The following ERBB4 variants were observed in gnomAD, a reference collection of about 807,000 sequenced individuals.
ERBB4 encodes receptor tyrosine-protein kinase erbB-4.
Under a neutral mutation model 158.0 loss-of-function variants are expected in ERBB4, and 42 were observed. The ratio of observed to expected loss-of-function variants is 0.27; its 90% confidence interval spans 0.21 to 0.34. The LOEUF is 0.34. Among genes scored for constraint, ERBB4 ranks in the 10% least tolerant of loss-of-function variants. The pLI is 1.00. For missense variants in ERBB4, 1,333 were observed against 1,624.1 expected, an observed-to-expected ratio of 0.82 and a Z score of 3.08; for synonymous variants, 583 against 558.7, an observed-to-expected ratio of 1.04 and a Z score of -0.61.
intron 3 of ERBB4, among the ~76,000 whole-genome samples, chr2:211,801,143 T>C (rs2076490182): frequency 6.6e-6 from 1 of 152,142 alleles, no homozygotes; most frequent in African/African-American, 2.4e-5. Flanking sequence ...AAAGCAAAAG[T>C]GCAAAATATT....
intron 2 of ERBB4, among the ~76,000 whole-genome samples, chr2:212,004,573 T>G (rs1292314759): frequency 1.3e-5 from 2 of 152,208 alleles, no homozygotes; most frequent in Non-Finnish European, 2.9e-5. Flanking sequence ...CAACTTTACT[T>G]TTTTATTTTT....
At chr2:212,269,372 A>G (rs1188620654) in intron 1 of ERBB4, among the ~76,000 whole-genome samples, 1 of 151,806 alleles carries the variant, frequency 6.6e-6, no homozygotes, top group African/African-American at 2.4e-5. Context: ...CCTTAACAAC[A>G]TACAAAATCA....
intron 7 of ERBB4, among the ~76,000 whole-genome samples, chr2:211,716,085 G>A (rs1399659203): frequency 3.9e-5 from 6 of 152,096 alleles, no homozygotes; most frequent in Non-Finnish European, 5.9e-5. Context: ...ATGTCCGACC[G>A]GGCACAGTGG....
intron 19 of ERBB4, among the ~76,000 whole-genome samples, chr2:211,594,335 A>G (rs1052464806): frequency 1.3e-5 from 2 of 152,058 alleles, no homozygotes; most frequent in African/African-American, 4.8e-5. Flanking sequence ...GCTACTCAGG[A>G]GGCTGAGGCA....
At chr2:211,493,911 A>C (rs1353562792) in intron 20 of ERBB4, among the ~76,000 whole-genome samples, 1 of 152,124 alleles carries the variant, frequency 6.6e-6, no homozygotes, top group African/African-American at 2.4e-5. Context: ...ATCCTGACCT[A>C]TGATGTTCTG....
rs191287436 is a variant in ERBB4 at position 211,600,124 on chromosome 2, T to G, written c.2301+19053A>C. 1.8e-3 allele frequency among the ~76,000 whole-genome samples: 274 copies of G among 152,356 alleles called. 1 individual carries two copies. The highest frequency in any genetic ancestry group is 6.8e-3 in the Middle Eastern group (2 of 294). On this transcript the variant is annotated intron_variant, in intron 19 of 27. Coordinates refer to ENST00000342788, the MANE Select transcript of ERBB4 (RefSeq NM_005235.3). ...AATGGCTGAAATTAGAGGGTACTTATTCTTTCATTTTACCTTCACAAAACC... is the reference window on the plus strand; with the variant it reads ...AATGGCTGAAATTAGAGGGTACTTAGTCTTTCATTTTACCTTCACAAAACC...
intron 1 of ERBB4, among the ~76,000 whole-genome samples, chr2:212,369,340 T>C (rs1036253546): frequency 6.6e-6 from 1 of 152,180 alleles, no homozygotes; most frequent in Non-Finnish European, 1.5e-5. Flanking sequence ...CATTTACTTA[T>C]GTTATCTACC....
chr2:212,008,538 G>A (rs1335624130), intron 2 of ERBB4, among the ~76,000 whole-genome samples: 1 of 152,086 alleles, frequency 6.6e-6, no homozygotes, highest in Non-Finnish European at 1.5e-5. Flanking sequence ...TGAAAGCGCT[G>A]CACATTCAGT....
intron 1 of ERBB4, among the ~76,000 whole-genome samples, chr2:212,479,361 T>C (rs886502790): frequency 1.9e-4 from 29 of 152,126 alleles, no homozygotes; most frequent in Admixed American, 1.4e-3. Flanking sequence ...CAGGGCATCC[T>C]ATACTTGTAA....
intron 1 of ERBB4, among the ~76,000 whole-genome samples, chr2:212,345,963 T>G (rs533337448): frequency 6.6e-6 from 1 of 152,182 alleles, no homozygotes; most frequent in Admixed American, 6.5e-5. Flanking sequence ...TTTTATATTA[T>G]CTATTAAGAA....
At position 211,944,147 on chromosome 2, in the gene ERBB4, T is replaced by C. The variant is rs1188048958; in HGVS notation, c.421+3283A>G. ...ACACTATATATGTACACTATACATA[T>C]ACACTATATATATACACTATATATA... On this transcript the variant is annotated intron_variant, in intron 3 of 27. Coordinates refer to ENST00000342788, the MANE Select transcript of ERBB4 (RefSeq NM_005235.3). Among the ~76,000 whole-genome samples the C allele has an allele frequency of 1.9e-4, 24 of 124,726 alleles. No homozygotes were observed. In the East Asian group the frequency reaches 5.2e-3, roughly 27 times the overall value. The allele number at this position is 124,726 out of a possible 152,430, so 81.8% of individuals were successfully genotyped here.
intron 1 of ERBB4, among the ~76,000 whole-genome samples, chr2:212,292,888 T>G (rs1036350986): frequency 3.3e-5 from 5 of 152,076 alleles, no homozygotes; most frequent in African/African-American, 1.2e-4. Flanking sequence ...TGTTTTCTAT[T>G]TCAGTTTTCA....
At chr2:212,212,182 G>A (rs980115265) in intron 1 of ERBB4, among the ~76,000 whole-genome samples, 5 of 152,034 alleles carry the variant, frequency 3.3e-5, no homozygotes, top group African/African-American at 1.2e-4. Flanking sequence ...CCCACCAACA[G>A]TGTAAAAGTA....
intron 25 of ERBB4, among the ~76,000 whole-genome samples, chr2:211,403,056 A>G (rs371159126): frequency 1.8e-4 from 28 of 152,060 alleles, no homozygotes; most frequent in Non-Finnish European, 2.8e-4. Flanking sequence ...TTGCAAAAGT[A>G]AAATTTTCAT....
chr2:211,648,563 G>A (rs1419273985), intron 16 of ERBB4, among the ~76,000 whole-genome samples: 2 of 151,612 alleles, frequency 1.3e-5, no homozygotes, highest in Non-Finnish European at 3.0e-5. Context: ...GAGGGTTTGT[G>A]TTTTGTTCTG....
intron 1 of ERBB4, among the ~76,000 whole-genome samples, chr2:212,511,465 T>C (rs904382609): frequency 6.6e-6 from 1 of 152,200 alleles, no homozygotes; most frequent in African/African-American, 2.4e-5. Context: ...TAGGACAATT[T>C]TAAAGCACAA....
At chr2:212,228,928 T>C (rs2083569953) in intron 1 of ERBB4, among the ~76,000 whole-genome samples, 2 of 152,206 alleles carry the variant, frequency 1.3e-5, no homozygotes, top group Admixed American at 1.3e-4. Context: ...ATATGTGAAG[T>C]ATGCTGGCAA....
At chr2:211,647,697 G>A (rs767752577) in intron 16 of ERBB4, among the ~76,000 whole-genome samples, 12 of 151,502 alleles carry the variant, frequency 7.9e-5, no homozygotes, top group Non-Finnish European at 1.6e-4. Context: ...CCATTCACTC[G>A]AATTTCTGGC....
chr2:212,296,606 C>T (rs147848625), intron 1 of ERBB4, among the ~76,000 whole-genome samples: 43 of 152,062 alleles, frequency 2.8e-4, no homozygotes, highest in Admixed American at 7.9e-4. Context: ...CACTCCCTTC[C>T]CCAGTCCATT....
Sources: gnomAD v4.1 joint callset for allele counts (sites outside exome capture counted in the v4.1 genomes callset) on GRCh38, gnomAD v4.1.1 for gene constraint, MANE v1.5 for transcripts, NCBI Gene and HGNC (gene_info 2026-07-23, HGNC 2026-07-21) for gene names.